The following AP3B1 variants were observed in gnomAD, a reference collection of about 807,000 sequenced individuals.
The protein encoded by AP3B1 is adaptor related protein complex 3 subunit beta 1, also known as AP-3 complex subunit beta-1.
AP3B1 carries 61 observed loss-of-function variants against 132.5 expected under a neutral mutation model. That is an observed-to-expected ratio of 0.46 (90% CI 0.37 to 0.57). The LOEUF (loss-of-function observed/expected upper bound fraction) is 0.57, where lower values mean the gene tolerates loss of function less well. Ranked by LOEUF, AP3B1 falls within the 20% of genes least tolerant of loss-of-function variation. The pLI is 0.00. For synonymous variants in AP3B1, 388 were observed against 438.3 expected (o/e 0.89, Z 1.43); for missense variants, 1,120 against 1,289.4 (o/e 0.87, Z 2.01).
chr5:78,192,619 G>A (rs1354639625), intron 7 of AP3B1, among the ~76,000 whole-genome samples: 1 of 152,160 alleles, frequency 6.6e-6, no homozygotes, highest in South Asian at 2.1e-4. Context: ...TCCAGCCTGG[G>A]CGGCAGAGCA....
At chr5:78,046,770 G>A (rs1336524366) in intron 22 of AP3B1, among the ~76,000 whole-genome samples, 2 of 151,872 alleles carry the variant, frequency 1.3e-5, no homozygotes, top group Non-Finnish European at 2.9e-5. Flanking sequence ...TGTTACATAG[G>A]TATACACGTG....
In AP3B1 at chr5:78,019,007, A is replaced by C. The variant is rs144137648; in HGVS notation, c.2992+1685T>G. 2.2e-3 allele frequency among the ~76,000 whole-genome samples: 330 copies of C among 152,294 alleles called. 1 individual carries two copies. The highest frequency in any genetic ancestry group is 7.7e-3 in the African/African-American group (320 of 41,578). On this transcript the variant is annotated intron_variant, in intron 25 of 26. Transcript: ENST00000255194. ...AAAGAATGAATTCAGGAAGACAGAA[A>C]GAATGATACAGAAATGCCAAGAGAC...
chr5:78,233,079 T>C (rs892266931), intron 3 of AP3B1, among the ~76,000 whole-genome samples: 1 of 152,144 alleles, frequency 6.6e-6, no homozygotes, highest in Non-Finnish European at 1.5e-5. Context: ...AGTGCATTAT[T>C]TATTATCTAA....
At chr5:78,291,502 T>C (rs940597250) in intron 1 of AP3B1, among the ~76,000 whole-genome samples, 2 of 142,104 alleles carry the variant, frequency 1.4e-5, no homozygotes, top group South Asian at 2.2e-4. Context: ...ATCATGAAGA[T>C]GGACAACCTA....
chr5:78,206,705 A>T (rs1745519515), intron 7 of AP3B1, among the ~76,000 whole-genome samples: 1 of 152,264 alleles, frequency 6.6e-6, no homozygotes, highest in Admixed American at 6.5e-5. Context: ...TAAACAACAG[A>T]TCAAAGCAAT....
chr5:78,223,954 A>G (rs1580509045), intron 6 of AP3B1, among the ~76,000 whole-genome samples: 1 of 152,176 alleles, frequency 6.6e-6, no homozygotes, highest in Non-Finnish European at 1.5e-5. Flanking sequence ...TTAGTCTATA[A>G]TGTAGCAGAA....
intron 14 of AP3B1, among the ~76,000 whole-genome samples, chr5:78,150,363 A>G (rs1160344810): frequency 1.3e-5 from 2 of 152,226 alleles, no homozygotes; most frequent in East Asian, 1.9e-4. Context: ...AGAAAAGATC[A>G]AGGAAGATAG....
chr5:78,046,700 G>A (rs532808388), intron 22 of AP3B1, among the ~76,000 whole-genome samples: 2 of 141,146 alleles, frequency 1.4e-5, no homozygotes, highest in Non-Finnish European at 3.1e-5. Context: ...TAAAAGCCTA[G>A]AATCTTTTTT....
At chr5:78,109,572 A>T (rs1298024831) in intron 20 of AP3B1, among the ~76,000 whole-genome samples, 2 of 152,102 alleles carry the variant, frequency 1.3e-5, no homozygotes, top group African/African-American at 4.8e-5. Context: ...CCAAAAAGAT[A>T]ATTATCGTTA....
At chr5:78,106,171 T>C (rs930069359) in intron 20 of AP3B1, among the ~76,000 whole-genome samples, 1 of 152,118 alleles carries the variant, frequency 6.6e-6, no homozygotes, top group Non-Finnish European at 1.5e-5. Context: ...GAATTTAGTG[T>C]GTGTGGCTGG....
At chr5:78,048,107 T>G (rs762539859) in intron 22 of AP3B1, among the ~76,000 whole-genome samples, 1 of 152,208 alleles carries the variant, frequency 6.6e-6, no homozygotes, top group African/African-American at 2.4e-5. Flanking sequence ...CTAATCAGAA[T>G]ACAACTTTAC....
intron 18 of AP3B1, 111 bp from the exon 19 acceptor site, chr5:78,114,034 C>A: frequency 8.6e-7 from 1 of 1,161,248 alleles, no homozygotes; most frequent in Non-Finnish European, 1.2e-6. Flanking sequence ...AATTTTAGTT[C>A]AGTGGACACC....
intron 3 of AP3B1, among the ~76,000 whole-genome samples, chr5:78,235,398 C>A (rs577423226): frequency 5.8e-4 from 88 of 152,270 alleles, no homozygotes; most frequent in African/African-American, 2.1e-3. Flanking sequence ...CATTCAGAAC[C>A]ACAGCTGAGC....
chr5:78,213,693 C>A (rs1745845487), intron 7 of AP3B1, among the ~76,000 whole-genome samples: 2 of 151,936 alleles, frequency 1.3e-5, no homozygotes, highest in South Asian at 4.2e-4. Flanking sequence ...AATTTATAAC[C>A]ACCAGAGTAA....
chr5:78,156,950 A>G (rs80131178), intron 13 of AP3B1, among the ~76,000 whole-genome samples: 1 of 152,228 alleles, frequency 6.6e-6, no homozygotes, highest in East Asian at 1.9e-4. Context: ...TATTTGTTCT[A>G]TAAAGTCCAC....
intron 14 of AP3B1, among the ~76,000 whole-genome samples, chr5:78,149,928 C>CTTT (rs368425320): frequency 1.1e-4 from 16 of 144,164 alleles, no homozygotes; most frequent in African/African-American, 3.8e-4. Flanking sequence ...GTAAGCCATA[C>CTTT]TTTTTTTTTT....
chr5:78,282,210 T>G (rs2112586108), intron 1 of AP3B1, among the ~76,000 whole-genome samples: 1 of 152,278 alleles, frequency 6.6e-6, no homozygotes, highest in South Asian at 2.1e-4. Flanking sequence ...CCATTTTGCT[T>G]GATTCCACAC....
At chr5:78,179,169 AATATTAACGC>A (rs1744268027) in intron 8 of AP3B1, among the ~76,000 whole-genome samples, 1 of 152,210 alleles carries the variant, frequency 6.6e-6, no homozygotes, top group Non-Finnish European at 1.5e-5. Context: ...CATTTAAAAA[AATATTAACGC>A]ATATACCTGG....
chr5:78,112,581 T>G (rs1751642825), intron 19 of AP3B1, among the ~76,000 whole-genome samples: 1 of 152,292 alleles, frequency 6.6e-6, no homozygotes, highest in South Asian at 2.1e-4. Flanking sequence ...AGGACATGTT[T>G]TATAACTCGT....
Sources: gnomAD v4.1 joint callset for allele counts (sites outside exome capture counted in the v4.1 genomes callset) on GRCh38, gnomAD v4.1.1 for gene constraint, MANE v1.5 for transcripts, NCBI Gene and HGNC (gene_info 2026-07-23, HGNC 2026-07-21) for gene names.